CCDC61: variants seen among roughly 807,000 people sequenced by gnomAD.
CCDC61 encodes the protein coiled-coil domain containing 61.
A neutral mutation model predicts 63.0 loss-of-function variants in CCDC61; 55 were observed. The ratio of observed to expected loss-of-function variants is 0.87; its 90% CI spans 0.70 to 1.09. The LOEUF (loss-of-function observed/expected upper bound fraction) is 1.09, where lower values mean the gene tolerates loss of function less well. CCDC61 is among the 50% of genes least tolerant of loss of function. CCDC61 has a pLI of 0.00. For missense variants in CCDC61, 651 were observed against 731.4 expected, an observed-to-expected ratio of 0.89 and a Z score of 1.27; for synonymous variants, 270 against 317.0, an observed-to-expected ratio of 0.85 and a Z score of 1.58.
chr19:46,017,546 T>C (rs750583755), intron 12 of CCDC61, among the ~76,000 whole-genome samples: 14 of 151,722 alleles, frequency 9.2e-5, no homozygotes, highest in Non-Finnish European at 8.8e-5. Context: ...ACTAGGCTTT[T>C]TTGGGGGGGC....
At chr19:46,004,579 C>T (rs1424020316) in intron 3 of CCDC61, among the ~76,000 whole-genome samples, 4 of 152,068 alleles carry the variant, frequency 2.6e-5, no homozygotes, top group South Asian at 2.1e-4. Flanking sequence ...ATTCTCCTGC[C>T]TCAGCCTCCC....
intron 5 of CCDC61, among the ~76,000 whole-genome samples, chr19:46,008,917 G>A (rs1051577607): frequency 1.3e-5 from 2 of 152,172 alleles, no homozygotes; most frequent in Non-Finnish European, 2.9e-5. Flanking sequence ...GCAAAGGTTG[G>A]GGGGAGGTCG....
At chr19:45,997,572 G>T (rs953806644) in intron 1 of CCDC61, among the ~76,000 whole-genome samples, 3 of 151,988 alleles carry the variant, frequency 2.0e-5, no homozygotes, top group African/African-American at 7.3e-5. Flanking sequence ...TACATTTTTA[G>T]TAGAGACGGG....
At chr19:46,004,504 T>G (rs1968659561) in intron 3 of CCDC61, among the ~76,000 whole-genome samples, 1 of 151,680 alleles carries the variant, frequency 6.6e-6, no homozygotes, top group Non-Finnish European at 1.5e-5. Flanking sequence ...TCACTCTGTC[T>G]CCCAGGCTGG....
intron 3 of CCDC61, among the ~76,000 whole-genome samples, chr19:46,005,100 T>C (rs1968679156): frequency 6.6e-6 from 1 of 152,208 alleles, no homozygotes; most frequent in Middle Eastern, 3.4e-3. Flanking sequence ...AACCTCCGCC[T>C]CCCGATTTCA....
Position 46,016,835 on chromosome 19 carries a change from T to C in CCDC61, c.1231+2T>C. 6.6e-7 allele frequency: 1 copy of C among 1,505,852 alleles called. No individual in the cohort carries two copies. The highest frequency in any genetic ancestry group is 8.9e-7 in the Non-Finnish European group (1 of 1,127,778). The allele number at this position is 1,505,852 out of a possible 1,614,324, so 93.3% of individuals were successfully genotyped here. A position where few individuals can be genotyped will look rare whatever the true frequency, so the allele number is the denominator to read the frequency against. On this transcript the variant is annotated splice_donor_variant, in intron 10 of 13. Coordinates refer to ENST00000595358, the MANE Select transcript of CCDC61 (RefSeq NM_001267723.2). LOFTEE classifies it high-confidence loss of function. This position sits in a 1 kb window ranked among gnomAD's most constrained non-coding sequence, Gnocchi z 7.2. ...GCTCCCGAAACCGCAGCTCCTCAGG[T>C]AACTGGCCTGGAGCTGGGGGCTGCC...
At position 46,000,261 on chromosome 19, in the gene CCDC61, A is replaced by C. The variant is rs529782307; in HGVS notation, c.-11-2747A>C. ...AGCAATTTGGGAGGGAACAGAATCC[A>C]GGTGAAATATGGGAGTGATGGAATA... On this transcript the variant is annotated intron_variant, in intron 1 of 13. Coordinates refer to ENST00000595358, the MANE Select transcript of CCDC61 (RefSeq NM_001267723.2). Among the ~76,000 whole-genome samples, 54 of 152,184 alleles carry C rather than the reference A, an allele frequency of 3.5e-4. 1 individual carries two copies. In the South Asian group the frequency reaches 0.011, roughly 32 times the overall value.
chr19:46,015,902 G>A lies in CCDC61; in HGVS notation c.846-152G>A, dbSNP rs1451254590. 6.6e-6 allele frequency among the ~76,000 whole-genome samples: 1 copy of A among 151,850 alleles called. No homozygotes were observed. The highest frequency in any genetic ancestry group is 2.1e-4 in the South Asian group (1 of 4,822). On this transcript the variant is annotated intron_variant, in intron 7 of 13. Transcript: ENST00000595358. The surrounding 1 kb of genome is among the most constrained non-coding windows in gnomAD (Gnocchi z 5.3). ...GTCCAATTGGGTGAGGTCTGGGGGG[G>A]AAGATATCGAGAGGGTCATGGGCCC...
chr19:46,003,518 C>A lies in CCDC61; in HGVS notation c.231+17C>A. On this transcript the variant is annotated intron_variant, in intron 3 of 13. Coordinates refer to ENST00000595358, the MANE Select transcript of CCDC61 (RefSeq NM_001267723.2). ...CTCACTCAGGTAGGGCCCGGGTTGG[C>A]GGGTTGGGGTGGGAGGGGGGTTCTG... The A allele has an allele frequency of 4.7e-6, 3 of 642,876 alleles. No homozygotes were observed. Among genetic ancestry groups the A allele is most frequent in the Non-Finnish European group, 7.9e-6 (3 of 378,930 alleles). 39.8% of individuals were successfully genotyped at this position (642,876 alleles called of 1,614,324 possible).
At chr19:46,012,284 G>C (rs564154585) in intron 5 of CCDC61, among the ~76,000 whole-genome samples, 1 of 152,298 alleles carries the variant, frequency 6.6e-6, no homozygotes, top group South Asian at 2.1e-4. Context: ...ACTCCAAAGA[G>C]TATAAAATAT....
At chr19:46,000,455 A>G (rs1285397993) in intron 1 of CCDC61, among the ~76,000 whole-genome samples, 1 of 148,950 alleles carries the variant, frequency 6.7e-6, no homozygotes, top group Non-Finnish European at 1.5e-5. Flanking sequence ...AATCTGGGAG[A>G]GCAGGATGGA....
Position 46,003,713 on chromosome 19 carries a change from T to C in CCDC61, c.231+212T>C, listed in dbSNP as rs1465712029. Among the ~76,000 whole-genome samples the C allele has an allele frequency of 3.3e-5, 5 of 152,190 alleles. No individual in the cohort carries two copies. The East Asian group carries it at 9.6e-4, about 29-fold the overall frequency. On this transcript the variant is annotated intron_variant, in intron 3 of 13. Coordinates refer to ENST00000595358, the MANE Select transcript of CCDC61 (RefSeq NM_001267723.2). ...GTAGAAAATTTAGGTCACAGAGAAATATAAAGAAGAAAGTAAAAATCACTC... is the reference window on the plus strand; with the variant it reads ...GTAGAAAATTTAGGTCACAGAGAAACATAAAGAAGAAAGTAAAAATCACTC...
Position 46,015,200 on chromosome 19 carries a change from G to C in CCDC61, c.703G>C (p.Gly235Arg). The C allele has an allele frequency of 7.8e-7, 1 of 1,282,554 alleles. No individual in the cohort carries two copies. Among genetic ancestry groups the C allele is most frequent in the African/African-American group, 1.6e-5 (1 of 64,288 alleles). 79.4% of individuals were successfully genotyped at this position (1,282,554 alleles called of 1,614,324 possible). Reference sequence around the variant, plus strand: ...GGAGCTGGAGCTGCGGCAGGAGCGCGGCCTCGGGCACAGGGTGGCCGGCCG... The same window carrying C: ...GGAGCTGGAGCTGCGGCAGGAGCGCCGCCTCGGGCACAGGGTGGCCGGCCG... ...GLELELRQERGLGHRVAGRRG... is the reference protein window; with the variant it reads ...GLELELRQERRLGHRVAGRRG... Residue 235 changes from glycine (G) to arginine (R), a missense_variant, in exon 6 of 14, where the codon GGC becomes CGC. Coordinates refer to ENST00000595358, the MANE Select transcript of CCDC61 (RefSeq NM_001267723.2). This position sits in a 1 kb window ranked among gnomAD's most constrained non-coding sequence, Gnocchi z 5.3.
At chr19:45,997,015 A>G (rs991369631) in intron 1 of CCDC61, among the ~76,000 whole-genome samples, 5 of 152,028 alleles carry the variant, frequency 3.3e-5, no homozygotes, top group Non-Finnish European at 7.4e-5. Context: ...GCCCCAACCT[A>G]TTGGGTTCCT....
chr19:46,014,631 A>G (rs1180729615), intron 5 of CCDC61, among the ~76,000 whole-genome samples: 2 of 152,172 alleles, frequency 1.3e-5, no homozygotes, highest in Non-Finnish European at 2.9e-5. Flanking sequence ...TACCTGATCA[A>G]ATTTGTATTG....
intron 1 of CCDC61, among the ~76,000 whole-genome samples, chr19:45,996,680 G>T (rs549630076): frequency 6.6e-6 from 1 of 152,198 alleles, no homozygotes; most frequent in Non-Finnish European, 1.5e-5. Flanking sequence ...GATTACAGGC[G>T]TGAGCCACCG....
At chr19:46,017,210 TC>T in intron 11 of CCDC61, 36 bp from the exon 12 acceptor site, 1 of 1,551,598 alleles carries the variant, frequency 6.4e-7, no homozygotes, top group Non-Finnish European at 8.7e-7. Flanking sequence ...TACCAGAGCC[TC>T]CCCACCACTG....
chr19:45,996,552 C>A (rs544416532), intron 1 of CCDC61, among the ~76,000 whole-genome samples: 1 of 152,138 alleles, frequency 6.6e-6, no homozygotes, highest in East Asian at 1.9e-4. Context: ...GCGCCCGCCA[C>A]CACACCCAGC....
Position 46,016,879 on chromosome 19 carries a change from C to A in CCDC61, c.1231+46C>A. ...GGCTGCCGGGCTAGGCGGGACTGGG[C>A]GGGGCTGGGCGGGCTGGGAGGCACT... On this transcript the variant is annotated intron_variant, in intron 10 of 13. Transcript: ENST00000595358. The surrounding 1 kb of genome is among the most constrained non-coding windows in gnomAD (Gnocchi z 7.2). 3.5e-6 allele frequency: 1 copy of A among 284,406 alleles called. No homozygotes were observed. The allele number at this position is 284,406 out of a possible 1,614,324, so 17.6% of individuals were successfully genotyped here.
Sources: allele counts gnomAD v4.1 joint callset (sites outside exome capture counted in the v4.1 genomes callset), GRCh38; gene constraint gnomAD v4.1.1; non-coding constraint Gnocchi (gnomAD v3.1); transcripts MANE v1.5; gene names NCBI Gene and HGNC (gene_info 2026-07-23, HGNC 2026-07-21).